Variants in QTMAN observed in about 807,000 individuals in gnomAD.
QTMAN encodes queuosine-tRNA mannosyltransferase.
the QTMAN span, among the ~76,000 whole-genome samples, chr2:144,242,363 G>C: frequency 6.6e-6 from 1 of 151,838 alleles, no homozygotes; most frequent in African/African-American, 2.4e-5. Flanking sequence ...TGTTAAGTGT[G>C]ATCCACTCTT....
the QTMAN span, among the ~76,000 whole-genome samples, chr2:144,129,488 T>C: frequency 6.6e-6 from 1 of 151,978 alleles, no homozygotes; most frequent in Non-Finnish European, 1.5e-5. Context: ...AAGGAAGAAA[T>C]AAGGAAGAAC....
the QTMAN span, among the ~76,000 whole-genome samples, chr2:144,312,908 C>A: frequency 6.6e-6 from 1 of 152,234 alleles, no homozygotes; most frequent in Non-Finnish European, 1.5e-5. Flanking sequence ...CCATGCAGAA[C>A]TGTGAGTCAA....
chr2:144,073,439 G>A, the QTMAN span, among the ~76,000 whole-genome samples: 5 of 152,098 alleles, frequency 3.3e-5, no homozygotes, highest in African/African-American at 9.6e-5. Flanking sequence ...AACTTCAAGG[G>A]AGTCATTCTA....
At chr2:144,295,774 G>C in the QTMAN span, among the ~76,000 whole-genome samples, 8 of 151,886 alleles carry the variant, frequency 5.3e-5, no homozygotes, top group Non-Finnish European at 1.2e-4. Flanking sequence ...CACCATTCCT[G>C]ACTAATTTTT....
At chr2:144,317,459 T>A in the QTMAN span, 3 of 148,162 alleles carry the variant, frequency 2.0e-5, no homozygotes, top group African/African-American at 5.0e-5. Context: ...TACAGCAATG[T>A]ATACCTACTA....
chr2:143,994,500 T>A, the QTMAN span, among the ~76,000 whole-genome samples: 1 of 152,158 alleles, frequency 6.6e-6, no homozygotes, highest in Non-Finnish European at 1.5e-5. Context: ...ATGTCCATCA[T>A]ATGACAAATG....
At chr2:143,982,713 T>A in the QTMAN span, among the ~76,000 whole-genome samples, 21 of 151,660 alleles carry the variant, frequency 1.4e-4, no homozygotes, top group African/African-American at 4.8e-4. Context: ...ATATAAAAAT[T>A]AGCTGGGCAT....
At chr2:143,962,625 G>C in the QTMAN span, among the ~76,000 whole-genome samples, 10 of 152,144 alleles carry the variant, frequency 6.6e-5, no homozygotes, top group Non-Finnish European at 8.8e-5. Flanking sequence ...AGCCTTTGTA[G>C]GAGTCAAGGG....
chr2:144,240,089 T>C, the QTMAN span, among the ~76,000 whole-genome samples: 3 of 152,220 alleles, frequency 2.0e-5, no homozygotes, highest in African/African-American at 7.2e-5. Flanking sequence ...TTAATGGGCC[T>C]AGTTAAATTA....
chr2:143,994,141 T>C, the QTMAN span, among the ~76,000 whole-genome samples: 24 of 152,300 alleles, frequency 1.6e-4, no homozygotes, highest in East Asian at 4.6e-3. Flanking sequence ...TATATCAGGT[T>C]TATGGATAAC....
At chr2:144,141,957 G>C in the QTMAN span, 3 of 1,610,818 alleles carry the variant, frequency 1.9e-6, no homozygotes, top group Non-Finnish European at 2.5e-6. Context: ...CAGATCCTTG[G>C]GTCTGTGATC....
chr2:144,133,146 T>TATATATA, the QTMAN span, among the ~76,000 whole-genome samples: 1 of 53,252 alleles, frequency 1.9e-5, no homozygotes, highest in Non-Finnish European at 3.1e-5. Context: ...TATATATATA[T>TATATATA]ATATAATATA....
the QTMAN span, among the ~76,000 whole-genome samples, chr2:143,996,584 TA>T: frequency 6.6e-6 from 1 of 152,100 alleles, no homozygotes; most frequent in Non-Finnish European, 1.5e-5. Flanking sequence ...GGCAGTTACA[TA>T]AGGCTCACGT....
At chr2:143,962,979 AT>A in the QTMAN span, among the ~76,000 whole-genome samples, 1 of 151,958 alleles carries the variant, frequency 6.6e-6, no homozygotes, top group Non-Finnish European at 1.5e-5. Flanking sequence ...CTCGGTCATA[AT>A]TTTTTTTGTA....
chr2:144,242,411 A>G, the QTMAN span, among the ~76,000 whole-genome samples: 3 of 152,136 alleles, frequency 2.0e-5, no homozygotes, highest in Non-Finnish European at 4.4e-5. Flanking sequence ...ATTACATAAT[A>G]TTTTCAATCA....
the QTMAN span, among the ~76,000 whole-genome samples, chr2:144,225,951 T>C: frequency 6.6e-6 from 1 of 152,216 alleles, no homozygotes; most frequent in African/African-American, 2.4e-5. Context: ...CCCAGCAAAG[T>C]GCTTTGTACA....
At chr2:144,022,004 T>C in the QTMAN span, among the ~76,000 whole-genome samples, 763 of 151,888 alleles carry the variant, frequency 5.0e-3, 7 homozygotes, top group African/African-American at 0.018. Flanking sequence ...TTTGTCAGAG[T>C]GTAGCCTCTG....
At chr2:144,092,988 T>C in the QTMAN span, among the ~76,000 whole-genome samples, 3 of 151,418 alleles carry the variant, frequency 2.0e-5, no homozygotes, top group African/African-American at 7.3e-5. Context: ...CTATTGGACA[T>C]AAAGTGAAGA....
chr2:144,159,111 C>G, the QTMAN span, among the ~76,000 whole-genome samples: 1 of 151,924 alleles, frequency 6.6e-6, no homozygotes, highest in Non-Finnish European at 1.5e-5. Flanking sequence ...AACTGCAGAT[C>G]ATAAAAAATA....
Sources: gnomAD v4.1 joint callset for allele counts (sites outside exome capture counted in the v4.1 genomes callset) on GRCh38, gnomAD v4.1.1 for gene constraint, MANE v1.5 for transcripts, NCBI Gene and HGNC (gene_info 2026-07-23, HGNC 2026-07-21) for gene names.